The following SLIT2 variants were observed in gnomAD, a reference collection of about 807,000 sequenced individuals.
The protein encoded by SLIT2 is slit homolog 2 protein.
A neutral mutation model predicts 185.7 loss-of-function variants in SLIT2; 41 were observed. The ratio of observed to expected loss-of-function variants is 0.22; its 90% CI spans 0.17 to 0.29. SLIT2 has a LOEUF of 0.29. Among genes scored for constraint, SLIT2 ranks in the 10% least tolerant of loss-of-function variants. The pLI is 1.00. For synonymous variants in SLIT2, 693 were observed against 680.2 expected, an observed-to-expected ratio of 1.02 and a Z score of -0.29; for missense variants, 1,571 against 1,909.0, an observed-to-expected ratio of 0.82 and a Z score of 3.30.
intron 4 of SLIT2, among the ~76,000 whole-genome samples, chr4:20,426,992 T>C (rs141110947): frequency 7.2e-4 from 110 of 152,258 alleles, no homozygotes; most frequent in Non-Finnish European, 1.2e-3. Context: ...CTGCCCTCTA[T>C]AGTCTAAGCT....
At chr4:20,562,118 G>A (rs1724743841) in intron 26 of SLIT2, among the ~76,000 whole-genome samples, 1 of 151,708 alleles carries the variant, frequency 6.6e-6, no homozygotes, top group Non-Finnish European at 1.5e-5. Context: ...CAAATTTACA[G>A]GATTTTAACC....
intron 29 of SLIT2, among the ~76,000 whole-genome samples, chr4:20,583,929 G>A (rs1281164579): frequency 6.6e-6 from 1 of 152,040 alleles, no homozygotes; most frequent in Non-Finnish European, 1.5e-5. Flanking sequence ...AACCATCAAA[G>A]TGCATTGAGG....
chr4:20,438,708 C>A (rs1035170781), intron 4 of SLIT2, among the ~76,000 whole-genome samples: 1 of 152,192 alleles, frequency 6.6e-6, no homozygotes, highest in Non-Finnish European at 1.5e-5. Context: ...ACTCTCTGAT[C>A]TCTCTGTTCA....
At chr4:20,469,394 A>G (rs1384103227) in intron 5 of SLIT2, among the ~76,000 whole-genome samples, 1 of 152,182 alleles carries the variant, frequency 6.6e-6, no homozygotes, top group Non-Finnish European at 1.5e-5. Flanking sequence ...CTCCTCCCAC[A>G]TTTAAGGATA....
At chr4:20,456,228 A>C (rs1713053216) in intron 4 of SLIT2, among the ~76,000 whole-genome samples, 2 of 152,058 alleles carry the variant, frequency 1.3e-5, no homozygotes, top group South Asian at 4.1e-4. Context: ...AAAACTTCTT[A>C]GTCCTCTAGT....
Position 20,253,482 on chromosome 4 carries a change from C to T in SLIT2, c.-334C>T. ...GCCGTTGGAAGCCCCAGCTCTTTTA[C>T]CGCCAAGTTCATCCTTGGGAGACAG... On this transcript the variant is annotated 5_prime_UTR_variant, in exon 1 of 37. Coordinates refer to ENST00000504154, the MANE Select transcript of SLIT2 (RefSeq NM_004787.4). The T allele has an allele frequency of 3.0e-6, 1 of 337,154 alleles. No individual in the cohort carries two copies. Among genetic ancestry groups the T allele is most frequent in the Non-Finnish European group, 5.5e-6 (1 of 183,100 alleles). The allele number at this position is 337,154 out of a possible 1,614,324, so 20.9% of individuals were successfully genotyped here.
chr4:20,540,780 T>C (rs2148876563), intron 19 of SLIT2, among the ~76,000 whole-genome samples: 1 of 152,322 alleles, frequency 6.6e-6, no homozygotes, highest in Non-Finnish European at 1.5e-5. Context: ...TTGCATAAAA[T>C]GTGACATTTT....
intron 36 of SLIT2, 112 bp downstream of exon 36, chr4:20,617,762 A>G (rs1729795951): frequency 1.4e-6 from 1 of 698,322 alleles, no homozygotes; most frequent in Admixed American, 2.8e-5. Context: ...GGAGCAACAG[A>G]GACAGAGAGA....
intron 5 of SLIT2, among the ~76,000 whole-genome samples, chr4:20,472,546 CTATATATA>C (rs1715549380): frequency 2.2e-4 from 1 of 4,476 alleles, no homozygotes; most frequent in Admixed American, 5.0e-3. Context: ...ATATCTATAT[CTATATATA>C]GATATATATC....
At chr4:20,389,595 T>A (rs1299022782) in intron 4 of SLIT2, among the ~76,000 whole-genome samples, 3 of 152,040 alleles carry the variant, frequency 2.0e-5, no homozygotes, top group Non-Finnish European at 1.5e-5. Flanking sequence ...ATCTAGTTTT[T>A]CCTTTTATAG....
intron 4 of SLIT2, among the ~76,000 whole-genome samples, chr4:20,379,280 C>T (rs1230775788): frequency 6.6e-6 from 1 of 152,020 alleles, no homozygotes; most frequent in East Asian, 1.9e-4. Context: ...TATATGAGAA[C>T]TCTGTAATGA....
rs150636694 is a variant in SLIT2 at position 20,521,079 on chromosome 4, T to G, written c.1130+1626T>G. Among the ~76,000 whole-genome samples, 51 of 152,342 alleles carry G rather than the reference T, an allele frequency of 3.3e-4. No individual in the cohort carries two copies. The East Asian group carries it at 9.4e-3, about 28-fold the overall frequency. The stretch of plus-strand genomic sequence containing the variant: ...CTTCCACATTCCCCTAGACTTACTC[T>G]CCATGCCAGTTATTCACAATCACTC... On this transcript the variant is annotated intron_variant, in intron 12 of 36. Coordinates refer to ENST00000504154, the MANE Select transcript of SLIT2 (RefSeq NM_004787.4).
At position 20,484,435 on chromosome 4, in the gene SLIT2, C is replaced by T. The variant is rs2148785202; in HGVS notation, c.540-1765C>T. On this transcript the variant is annotated intron_variant, in intron 6 of 36. Coordinates refer to ENST00000504154, the MANE Select transcript of SLIT2 (RefSeq NM_004787.4). The surrounding 1 kb of genome is among the most constrained non-coding windows in gnomAD (Gnocchi z 4.3). ...AACAAATCCAGTGCTCTGTAGGTCC[C>T]CCATAAAGTGGTTTATTTTTTGTGA... Among the ~76,000 whole-genome samples, 1 of 152,160 alleles carries T rather than the reference C, an allele frequency of 6.6e-6. No homozygotes were observed. Among genetic ancestry groups the T allele is most frequent in the Admixed American group, 6.5e-5 (1 of 15,274 alleles).
chr4:20,353,531 A>G (rs1304057401), intron 4 of SLIT2, among the ~76,000 whole-genome samples: 1 of 152,118 alleles, frequency 6.6e-6, no homozygotes, highest in African/African-American at 2.4e-5. Flanking sequence ...TTATTTAAAA[A>G]AAACAAAAAG....
At chr4:20,597,991 G>A (rs1017364142) in intron 32 of SLIT2, among the ~76,000 whole-genome samples, 8 of 152,204 alleles carry the variant, frequency 5.3e-5, no homozygotes, top group African/African-American at 9.7e-5. Flanking sequence ...GCAGTTTAGC[G>A]AAAATCTGCA....
At chr4:20,410,506 G>A (rs959430975) in intron 4 of SLIT2, among the ~76,000 whole-genome samples, 1 of 151,158 alleles carries the variant, frequency 6.6e-6, no homozygotes, top group African/African-American at 2.4e-5. Flanking sequence ...CGCCCACCTC[G>A]GCCTCTCAAA....
intron 36 of SLIT2, 107 bp downstream of exon 36, chr4:20,617,757 AACAGAG>A: frequency 1.4e-6 from 1 of 736,244 alleles, no homozygotes; most frequent in African/African-American, 1.8e-5. Flanking sequence ...AAACAGGAGC[AACAGAG>A]ACAGAGAGAG....
At chr4:20,472,333 T>A (rs1325144900) in intron 5 of SLIT2, among the ~76,000 whole-genome samples, 4 of 50,896 alleles carry the variant, frequency 7.9e-5, no homozygotes, top group African/African-American at 4.2e-4. Flanking sequence ...TATCTATATA[T>A]AGATCTATAT....
At chr4:20,426,883 T>A (rs1293151481) in intron 4 of SLIT2, among the ~76,000 whole-genome samples, 2 of 152,118 alleles carry the variant, frequency 1.3e-5, no homozygotes, top group Non-Finnish European at 2.9e-5. Flanking sequence ...GAAATAACAG[T>A]TACAGAGAGG....
Sources: allele counts gnomAD v4.1 joint callset (sites outside exome capture counted in the v4.1 genomes callset), GRCh38; gene constraint gnomAD v4.1.1; non-coding constraint Gnocchi (gnomAD v3.1); transcripts MANE v1.5; gene names NCBI Gene and HGNC (gene_info 2026-07-23, HGNC 2026-07-21).